Variants in GABBR2 observed in about 807,000 individuals in gnomAD.
GABBR2 encodes G-protein coupled receptor 51.
GABBR2 carries 23 observed loss-of-function variants against 105.6 expected under a neutral mutation model. That is an observed-to-expected ratio of 0.22 (90% CI 0.16 to 0.31). The LOEUF (loss-of-function observed/expected upper bound fraction) is 0.31. Among genes scored for constraint, GABBR2 ranks in the 10% least tolerant of loss-of-function variants. The pLI is 1.00. For synonymous variants in GABBR2, 478 were observed against 499.7 expected (o/e 0.96, Z 0.58); for missense variants, 734 against 1,245.5 (o/e 0.59, Z 6.18).
intron 7 of GABBR2, among the ~76,000 whole-genome samples, chr9:98,415,228 A>G (rs1346479778): frequency 6.6e-6 from 1 of 152,090 alleles, no homozygotes; most frequent in Non-Finnish European, 1.5e-5. Context: ...CTTTACCTAT[A>G]TTCTATAATA....
intron 1 of GABBR2, among the ~76,000 whole-genome samples, chr9:98,622,930 A>G (rs918082158): frequency 2.0e-5 from 3 of 152,186 alleles, no homozygotes; most frequent in Non-Finnish European, 4.4e-5. Context: ...AACCCACAGA[A>G]TGTACAACAC....
intron 1 of GABBR2, among the ~76,000 whole-genome samples, chr9:98,661,416 C>G (rs186107313): frequency 6.6e-6 from 1 of 150,850 alleles, no homozygotes; most frequent in Non-Finnish European, 1.5e-5. Context: ...CCCCCACCCC[C>G]CCGATATGGA....
intron 1 of GABBR2, among the ~76,000 whole-genome samples, chr9:98,666,954 G>A (rs913272387): frequency 2.0e-5 from 3 of 152,168 alleles, no homozygotes; most frequent in South Asian, 2.1e-4. Flanking sequence ...GGAAGAGTGC[G>A]TTTGGTGCCC....
At chr9:98,579,791 T>C (rs1411968782) in intron 1 of GABBR2, among the ~76,000 whole-genome samples, 2 of 152,176 alleles carry the variant, frequency 1.3e-5, no homozygotes, top group Admixed American at 6.5e-5. Context: ...CTGGTTAATG[T>C]CCTACAGGGC....
chr9:98,524,815 C>A (rs1827928706), intron 3 of GABBR2, among the ~76,000 whole-genome samples: 1 of 151,948 alleles, frequency 6.6e-6, no homozygotes, highest in Non-Finnish European at 1.5e-5. Context: ...CAGATAAAAT[C>A]CCTCTTATTA....
chr9:98,498,859 C>G (rs570287472), intron 3 of GABBR2, among the ~76,000 whole-genome samples: 20 of 152,334 alleles, frequency 1.3e-4, no homozygotes, highest in Admixed American at 8.5e-4. Context: ...TTGAGCAGCA[C>G]GAGGTGTTGT....
intron 3 of GABBR2, among the ~76,000 whole-genome samples, chr9:98,514,185 A>T (rs1306211784): frequency 7.5e-6 from 1 of 132,740 alleles, no homozygotes; most frequent in Admixed American, 7.5e-5. Context: ...ATTCTCACTC[A>T]TAGGTGGGAA....
intron 13 of GABBR2, among the ~76,000 whole-genome samples, chr9:98,349,633 C>T (rs1478272852): frequency 2.6e-5 from 4 of 151,978 alleles, no homozygotes; most frequent in Non-Finnish European, 4.4e-5. Flanking sequence ...GGATTACAGG[C>T]GTGAGCCACT....
intron 1 of GABBR2, among the ~76,000 whole-genome samples, chr9:98,609,495 TC>T (rs1412288675): frequency 6.6e-6 from 1 of 152,150 alleles, no homozygotes; most frequent in Non-Finnish European, 1.5e-5. Flanking sequence ...TCCTGACATT[TC>T]ATTGGGTGAT....
At chr9:98,414,533 T>TGC (rs1223129519) in intron 7 of GABBR2, among the ~76,000 whole-genome samples, 1 of 151,774 alleles carries the variant, frequency 6.6e-6, no homozygotes, top group Non-Finnish European at 1.5e-5. Context: ...AACTGAAGGG[T>TGC]TTTAATGAGG....
chr9:98,703,732 A>G (rs1830861107), intron 1 of GABBR2, among the ~76,000 whole-genome samples: 1 of 151,962 alleles, frequency 6.6e-6, no homozygotes, highest in Non-Finnish European at 1.5e-5. Context: ...GCCTCAAGCA[A>G]TCCTCTCACC....
At chr9:98,704,566 C>T (rs567213914) in intron 1 of GABBR2, among the ~76,000 whole-genome samples, 13 of 151,956 alleles carry the variant, frequency 8.6e-5, no homozygotes, top group African/African-American at 3.1e-4. Context: ...ACAATGTTAA[C>T]TGAAGGAAAA....
chr9:98,685,783 C>T (rs909928257), intron 1 of GABBR2, among the ~76,000 whole-genome samples: 1 of 152,160 alleles, frequency 6.6e-6, no homozygotes, highest in Non-Finnish European at 1.5e-5. Context: ...CTCTCAAAGT[C>T]CCAATCTCAA....
At chr9:98,580,210 G>C (rs1310635091) in intron 1 of GABBR2, among the ~76,000 whole-genome samples, 1 of 152,012 alleles carries the variant, frequency 6.6e-6, no homozygotes, top group Admixed American at 6.6e-5. Context: ...TTCTCTGCTG[G>C]GAACACAATT....
intron 3 of GABBR2, among the ~76,000 whole-genome samples, chr9:98,515,743 G>A (rs1827744744): frequency 6.6e-6 from 1 of 151,460 alleles, no homozygotes; most frequent in Admixed American, 6.6e-5. Context: ...GGGAGGAAGG[G>A]GGCCACAGGC....
intron 7 of GABBR2, among the ~76,000 whole-genome samples, chr9:98,417,054 G>T (rs1207740274): frequency 1.3e-5 from 2 of 152,204 alleles, no homozygotes; most frequent in African/African-American, 4.8e-5. Flanking sequence ...ACCCTGAGCT[G>T]AATATGGTAA....
At chr9:98,514,894 G>A (rs539152104) in intron 3 of GABBR2, among the ~76,000 whole-genome samples, 4 of 152,136 alleles carry the variant, frequency 2.6e-5, no homozygotes, top group Non-Finnish European at 5.9e-5. Flanking sequence ...CGGCCACATG[G>A]GGAAGTCTAG....
intron 1 of GABBR2, among the ~76,000 whole-genome samples, chr9:98,606,488 T>C (rs528312986): frequency 7.5e-6 from 1 of 133,312 alleles, no homozygotes; most frequent in Non-Finnish European, 1.7e-5. Context: ...TTTTTCTTTT[T>C]TTTTTTTTTT....
intron 11 of GABBR2, 42 bp from the exon 12 acceptor site, chr9:98,371,613 T>C (rs144138473): frequency 9.9e-5 from 106 of 1,066,320 alleles, no homozygotes; most frequent in Admixed American, 2.2e-4. Context: ...CTTCCTTAGG[T>C]AGACAGACTT....
Sources: allele counts gnomAD v4.1 joint callset (sites outside exome capture counted in the v4.1 genomes callset), GRCh38; gene constraint gnomAD v4.1.1; transcripts MANE v1.5; gene names NCBI Gene and HGNC (gene_info 2026-07-23, HGNC 2026-07-21).